SLC46A3: variants seen among roughly 807,000 people sequenced by gnomAD.
SLC46A3 encodes the protein lysosomal proton-coupled steroid conjugate and bile acid symporter SLC46A3.
SLC46A3 carries 26 observed loss-of-function variants against 38.5 expected under a neutral mutation model. That is an observed-to-expected ratio of 0.68 (90% confidence interval 0.49 to 0.94). SLC46A3 has a LOEUF of 0.94. SLC46A3 is among the 40% of genes least tolerant of loss of function. The pLI is 0.00. For synonymous variants in SLC46A3, 185 were observed against 192.5 expected (o/e 0.96, Z 0.32); for missense variants, 510 against 544.3 (o/e 0.94, Z 0.63).
Position 28,718,746 on chromosome 13 carries a change from G to T in SLC46A3, c.-275C>A, listed in dbSNP as rs1885610886. ...CAAGCGTATTGTAAAGCAAACCTCG[G>T]CAAGCGCACTTCCGCGTCCCGAGTG... On this transcript the variant is annotated 5_prime_UTR_variant, in exon 1 of 6. Transcript: ENST00000266943. 6.6e-6 allele frequency: 1 copy of T among 152,260 alleles called. No individual in the cohort carries two copies. The highest frequency in any genetic ancestry group is 1.5e-5 in the Non-Finnish European group (1 of 68,072). The allele number at this position is 152,260 out of a possible 1,614,324, so 9.4% of individuals were successfully genotyped here. A position where few individuals can be genotyped will look rare whatever the true frequency, so the allele number is the denominator to read the frequency against.
Position 28,700,144 on chromosome 13 carries a change from C to T in SLC46A3, c.*1353G>A, listed in dbSNP as rs908248773. 6 of 151,972 alleles carry T rather than the reference C, an allele frequency of 3.9e-5. No homozygotes were observed. Among genetic ancestry groups the T allele is most frequent in the South Asian group, 2.1e-4 (1 of 4,826 alleles). The allele number at this position is 151,972 out of a possible 1,614,324, so 9.4% of individuals were successfully genotyped here. A position where few individuals can be genotyped will look rare whatever the true frequency, so the allele number is the denominator to read the frequency against. ...TCAAAGGTTGTCCCAGTACTCAAGG[C>T]GATGATTGTCAGGTAGCAGAAACAA... On this transcript the variant is annotated 3_prime_UTR_variant, in exon 6 of 6. Transcript: ENST00000266943.
chr13:28,715,387 C>T (rs1165959077), intron 2 of SLC46A3, among the ~76,000 whole-genome samples: 1 of 152,244 alleles, frequency 6.6e-6, no homozygotes, highest in Non-Finnish European at 1.5e-5. Flanking sequence ...TGTATGGTTG[C>T]AGAAGCCACC....
At chr13:28,717,485 CTTTTTTTT>C (rs56878379) in intron 2 of SLC46A3, among the ~76,000 whole-genome samples, 83,106 of 128,010 alleles carry the variant, frequency 0.65, 27,585 homozygotes, top group East Asian at 0.9. Flanking sequence ...AATTTTCAGA[CTTTTTTTT>C]TTTTTTTTTT....
At position 28,701,546 on chromosome 13, in the gene SLC46A3, T is replaced by G. The variant is rs1885021304; in HGVS notation, c.1337A>C (p.Tyr446Ser). The change falls in exon 6 of 6, where the codon TAT becomes TCT. Residue 446 changes from tyrosine to serine, a missense_variant. By Grantham distance (144) the Tyr-to-Ser change is moderately radical (BLOSUM62 -2). Transcript: ENST00000266943. ...VKCTSWNEGSYELLIQEESSE... is the reference protein window; with the variant it reads ...VKCTSWNEGSSELLIQEESSE... ...GGATTCTTCTTGTATAAGAAGTTCA[T>G]AGCTTCCCTCATTCCAGCTGGTACA... The G allele has an allele frequency of 6.2e-7, 1 of 1,613,426 alleles. No individual in the cohort carries two copies. The highest frequency in any genetic ancestry group is 1.3e-5 in the African/African-American group (1 of 74,920).
Position 28,717,815 on chromosome 13 carries a change from G to A in SLC46A3, c.184C>T (p.Gln62Ter). 1.2e-6 allele frequency: 2 copies of A among 1,612,922 alleles called. No homozygotes were observed. Among genetic ancestry groups the A allele is most frequent in the Non-Finnish European group, 1.7e-6 (2 of 1,179,640 alleles). ...TGGATATTGTAATTTCTTACCTCCT[G>A]GAATGCAAAAATTGGGCTGCTTTTG... is the stretch of plus-strand genomic sequence containing the variant. The part of the protein sequence containing the change: ...KNKSSPIFAF[Q>*]EEVQKKVSRF... The change falls in exon 2 of 6, where the codon CAG (glutamine) becomes TAG (stop). Residue 62 changes from glutamine (Q) to a stop codon, truncating the protein, a stop_gained. Coordinates refer to ENST00000266943, the MANE Select transcript of SLC46A3 (RefSeq NM_181785.4). LOFTEE classifies it high-confidence loss of function.
chr13:28,713,926 T>C (rs1885445471), intron 2 of SLC46A3, among the ~76,000 whole-genome samples: 1 of 152,170 alleles, frequency 6.6e-6, no homozygotes, highest in Admixed American at 6.5e-5. Context: ...TTAAACAAAT[T>C]TGTGCATAAA....
intron 5 of SLC46A3, among the ~76,000 whole-genome samples, chr13:28,702,104 T>C (rs917803202): frequency 7.2e-5 from 11 of 152,214 alleles, no homozygotes; most frequent in Non-Finnish European, 1.3e-4. Flanking sequence ...ACTCACCATG[T>C]ATGCAATTCT....
chr13:28,712,828 A>G lies in SLC46A3; in HGVS notation c.912T>C (p.Gly304=). The part of the protein sequence containing the change: ...EVFIGYGSAL[G]SASFLTSFLG... ...GGAAACTAGTCAAAAAAGAGGCACT[A>G]CCCAAAGCTGATCCATAACCTATAA... The change falls in exon 3 of 6, where the codon GGT becomes GGC. Residue 304 remains glycine, a synonymous_variant. Transcript: ENST00000266943. The G allele has an allele frequency of 1.2e-6, 2 of 1,613,704 alleles. No individual in the cohort carries two copies. Among genetic ancestry groups the G allele is most frequent in the Non-Finnish European group, 1.7e-6 (2 of 1,179,942 alleles).
intron 2 of SLC46A3, among the ~76,000 whole-genome samples, chr13:28,715,864 G>A (rs1183888410): frequency 1.3e-5 from 2 of 151,984 alleles, no homozygotes; most frequent in African/African-American, 4.8e-5. Flanking sequence ...AAATAAGACC[G>A]GGCACGGTGG....
At chr13:28,714,021 G>A (rs765793388) in intron 2 of SLC46A3, among the ~76,000 whole-genome samples, 5 of 151,980 alleles carry the variant, frequency 3.3e-5, no homozygotes, top group East Asian at 1.9e-4. Flanking sequence ...TTGGTCGGGC[G>A]TGGTGGCTCA....
chr13:28,706,288 G>A (rs1885172699), intron 4 of SLC46A3, among the ~76,000 whole-genome samples: 1 of 152,130 alleles, frequency 6.6e-6, no homozygotes, highest in South Asian at 2.1e-4. Context: ...GAAATAATGA[G>A]AGCCAACTGA....
intron 4 of SLC46A3, among the ~76,000 whole-genome samples, chr13:28,708,552 C>T (rs1253586694): frequency 6.6e-6 from 1 of 151,576 alleles, no homozygotes; most frequent in Non-Finnish European, 1.5e-5. Flanking sequence ...ATATAATTTG[C>T]AAATATCTTC....
intron 5 of SLC46A3, among the ~76,000 whole-genome samples, chr13:28,702,267 G>A (rs1171982850): frequency 6.6e-6 from 1 of 152,098 alleles, no homozygotes; most frequent in Admixed American, 6.6e-5. Context: ...TTATAGGTGT[G>A]AGCCACGGTG....
Position 28,712,672 on chromosome 13 carries a change from G to A in SLC46A3, c.1060+8C>T, listed in dbSNP as rs1178423250. 8 of 1,558,618 alleles carry A rather than the reference G, an allele frequency of 5.1e-6. No homozygotes were observed. Among genetic ancestry groups the A allele is most frequent in the Non-Finnish European group, 6.9e-6 (8 of 1,160,736 alleles). On this transcript the variant is annotated splice_region_variant and intron_variant, in intron 3 of 5. Coordinates refer to ENST00000266943, the MANE Select transcript of SLC46A3 (RefSeq NM_181785.4). ...ATAGTTAGTTCTAAAGCTACACTTG[G>A]AACTCACCTAAAAACATCATCAGTG... is the stretch of plus-strand genomic sequence containing the variant.
At chr13:28,703,710 G>T in intron 5 of SLC46A3, 1 of 298,182 alleles carries the variant, frequency 3.4e-6, no homozygotes, top group Non-Finnish European at 6.1e-6. Flanking sequence ...ATTAAAATAT[G>T]AAACACTTCA....
rs146969272 is a variant in SLC46A3 at position 28,714,833 on chromosome 13, A to G, written c.190-1283T>C. On this transcript the variant is annotated intron_variant, in intron 2 of 5. Coordinates refer to ENST00000266943, the MANE Select transcript of SLC46A3 (RefSeq NM_181785.4). Reference sequence around the variant, plus strand: ...ATAAACTCAACTTCCAAGGACCAAAATGACAATGACAGATGACATACACAC... The same window carrying G: ...ATAAACTCAACTTCCAAGGACCAAAGTGACAATGACAGATGACATACACAC... Among the ~76,000 whole-genome samples, 472 of 152,348 alleles carry G rather than the reference A, an allele frequency of 3.1e-3. 2 individuals carry two copies. The highest frequency in any genetic ancestry group is 4.3e-3 in the South Asian group (21 of 4,830).
At chr13:28,707,933 T>C (rs545437998) in intron 4 of SLC46A3, among the ~76,000 whole-genome samples, 1 of 152,244 alleles carries the variant, frequency 6.6e-6, no homozygotes, top group Non-Finnish European at 1.5e-5. Flanking sequence ...TAAATGACAA[T>C]ATGTGGCCTT....
At chr13:28,704,145 T>C in intron 4 of SLC46A3, 46 bp from the exon 5 acceptor site, 2 of 1,534,068 alleles carry the variant, frequency 1.3e-6, no homozygotes, top group Non-Finnish European at 1.8e-6. Flanking sequence ...AAAGGCAGAA[T>C]TACAAAACAA....
chr13:28,706,949 G>A (rs939422093), intron 4 of SLC46A3, among the ~76,000 whole-genome samples: 5 of 152,168 alleles, frequency 3.3e-5, no homozygotes, highest in Non-Finnish European at 5.9e-5. Context: ...TACACTGTTG[G>A]TGGGACTGTA....
Sources: gnomAD v4.1 joint callset for allele counts (sites outside exome capture counted in the v4.1 genomes callset) on GRCh38, gnomAD v4.1.1 for gene constraint, MANE v1.5 for transcripts, NCBI Gene and HGNC (gene_info 2026-07-23, HGNC 2026-07-21) for gene names.